ROBO1: variants seen among roughly 807,000 people sequenced by gnomAD.
ROBO1 encodes the protein roundabout guidance receptor 1.
Under a neutral mutation model 195.9 loss-of-function variants are expected in ROBO1, and 149 were observed. The observed-to-expected ratio is 0.76, with a 90% confidence interval of 0.67 to 0.87. The LOEUF (loss-of-function observed/expected upper bound fraction) is 0.87. ROBO1 is among the 40% of genes least tolerant of loss of function. ROBO1 has a pLI of 0.00. For missense variants in ROBO1, 1,933 were observed against 2,068.3 expected, an observed-to-expected ratio of 0.93 and a Z score of 1.27; for synonymous variants, 816 against 733.2, an observed-to-expected ratio of 1.11 and a Z score of -1.82.
intron 4 of ROBO1, among the ~76,000 whole-genome samples, chr3:78,933,740 C>A (rs1576423536): frequency 6.6e-6 from 1 of 151,926 alleles, no homozygotes; most frequent in East Asian, 1.9e-4. Flanking sequence ...AATATGGCTT[C>A]TTTACTTAAG....
At chr3:79,077,359 T>C (rs1042631178) in intron 3 of ROBO1, among the ~76,000 whole-genome samples, 5 of 151,904 alleles carry the variant, frequency 3.3e-5, no homozygotes, top group Non-Finnish European at 4.4e-5. Context: ...TATCCTATGA[T>C]GCATATAGTT....
At position 79,161,709 on chromosome 3, in the gene ROBO1, T is replaced by C. The variant is rs545330950; in HGVS notation, c.89-36170A>G. 3.3e-5 allele frequency among the ~76,000 whole-genome samples: 5 copies of C among 152,236 alleles called. No homozygotes were observed. The South Asian group carries it at 1.0e-3, about 32-fold the overall frequency. Reference sequence around the variant, plus strand: ...AAACAAACAAGTACTTTAAAAATCATTTGTGCAGGTGCTTTATTGGCACTG... The same window carrying C: ...AAACAAACAAGTACTTTAAAAATCACTTGTGCAGGTGCTTTATTGGCACTG... On this transcript the variant is annotated intron_variant, in intron 2 of 30. Transcript: ENST00000464233.
At chr3:78,602,107 T>C (rs925269004) in intron 29 of ROBO1, among the ~76,000 whole-genome samples, 3 of 151,948 alleles carry the variant, frequency 2.0e-5, no homozygotes, top group Non-Finnish European at 4.4e-5. Context: ...TATTTGTCAC[T>C]GCCCAAATCG....
At chr3:79,516,188 G>C (rs977291409) in intron 2 of ROBO1, among the ~76,000 whole-genome samples, 1 of 152,008 alleles carries the variant, frequency 6.6e-6, no homozygotes, top group African/African-American at 2.4e-5. Flanking sequence ...TGATAATGTG[G>C]TTTACTGTTA....
chr3:79,397,252 A>T (rs920953360), intron 2 of ROBO1, among the ~76,000 whole-genome samples: 1 of 150,852 alleles, frequency 6.6e-6, no homozygotes, highest in African/African-American at 2.4e-5. Context: ...TATATATTTA[A>T]TAATCATATA....
rs762411663 is a variant in ROBO1 at position 79,558,318 on chromosome 3, T to A, written c.88+31506A>T. Among the ~76,000 whole-genome samples the A allele has an allele frequency of 3.3e-4, 50 of 152,224 alleles. 1 individual carries two copies. Among genetic ancestry groups the A allele is most frequent in the Non-Finnish European group, 1.3e-4 (9 of 68,040 alleles). On this transcript the variant is annotated intron_variant, in intron 2 of 30. Transcript: ENST00000464233. ...TAAAGACGATGAAGGAACACTCTTATGATAATCCACTTACACTTAATGAAC... is the reference window on the plus strand; with the variant it reads ...TAAAGACGATGAAGGAACACTCTTAAGATAATCCACTTACACTTAATGAAC...
rs78252144 is a variant in ROBO1 at position 79,731,368 on chromosome 3, C to T, written c.-51+36384G>A. Among the ~76,000 whole-genome samples, 810 of 152,124 alleles carry T rather than the reference C, an allele frequency of 5.3e-3. 6 individuals carry two copies. The highest frequency in any genetic ancestry group is 0.019 in the African/African-American group (774 of 41,492). On this transcript the variant is annotated intron_variant, in intron 1 of 30. Transcript: ENST00000464233. ...CATCTGTAAAGCATGTAAAGTATGT[C>T]CCTGAGCTCCTTGGATCTATGTATG... is the stretch of plus-strand genomic sequence containing the variant.
intron 2 of ROBO1, among the ~76,000 whole-genome samples, chr3:79,171,946 A>G (rs1056938061): frequency 1.3e-5 from 2 of 152,100 alleles, no homozygotes; most frequent in African/African-American, 4.8e-5. Context: ...TTATCAAAAC[A>G]TTTACAACCA....
At chr3:78,991,674 A>C (rs975077788) in intron 3 of ROBO1, among the ~76,000 whole-genome samples, 39 of 152,350 alleles carry the variant, frequency 2.6e-4, no homozygotes, top group African/African-American at 9.1e-4. Context: ...CATTTTCTTA[A>C]ACAGAATTCT....
intron 3 of ROBO1, among the ~76,000 whole-genome samples, chr3:79,066,835 C>A (rs2108422419): frequency 6.6e-6 from 1 of 151,992 alleles, no homozygotes; most frequent in Admixed American, 6.6e-5. Context: ...TCATCATTCT[C>A]AGCAGATAAC....
chr3:78,817,526 C>T (rs2030211622), intron 4 of ROBO1, among the ~76,000 whole-genome samples: 1 of 151,772 alleles, frequency 6.6e-6, no homozygotes, highest in Non-Finnish European at 1.5e-5. Flanking sequence ...TGTGAATTCA[C>T]TACATCAAAA....
intron 2 of ROBO1, among the ~76,000 whole-genome samples, chr3:79,264,348 T>C (rs1350080949): frequency 6.6e-6 from 1 of 151,972 alleles, no homozygotes; most frequent in African/African-American, 2.4e-5. Flanking sequence ...TATATATGTA[T>C]GTATCTTTTT....
At chr3:79,028,847 G>A (rs1348310184) in intron 3 of ROBO1, among the ~76,000 whole-genome samples, 1 of 152,004 alleles carries the variant, frequency 6.6e-6, no homozygotes, top group African/African-American at 2.4e-5. Flanking sequence ...AAATGAAAAT[G>A]TTTGTTTTTC....
At chr3:79,303,365 C>T (rs2033066131) in intron 2 of ROBO1, among the ~76,000 whole-genome samples, 1 of 151,950 alleles carries the variant, frequency 6.6e-6, no homozygotes, top group African/African-American at 2.4e-5. Flanking sequence ...GGGGTTTCGC[C>T]ACGTTGGCCA....
chr3:79,755,162 G>A (rs1704320905), intron 1 of ROBO1, among the ~76,000 whole-genome samples: 2 of 152,170 alleles, frequency 1.3e-5, no homozygotes, highest in Non-Finnish European at 2.9e-5. Context: ...TTACAGGTGT[G>A]AGTCATTGTT....
At chr3:79,637,415 C>T (rs956298788) in intron 1 of ROBO1, among the ~76,000 whole-genome samples, 3 of 150,562 alleles carry the variant, frequency 2.0e-5, no homozygotes, top group Admixed American at 6.6e-5. Flanking sequence ...ATGTGACCCT[C>T]CTTCCCAAAC....
chr3:79,752,602 C>A (rs577709342), intron 1 of ROBO1, among the ~76,000 whole-genome samples: 22 of 152,190 alleles, frequency 1.4e-4, no homozygotes, highest in Admixed American at 5.9e-4. Context: ...TGCTTGGACT[C>A]TATTCTGCAG....
At position 78,617,813 on chromosome 3, in the gene ROBO1, C is replaced by G. The variant is rs1452850665; in HGVS notation, c.4104G>C (p.Gly1368=). Residue 1368 remains glycine (G), a synonymous_variant, in exon 27 of 31, where the codon GGG becomes GGC. Transcript: ENST00000464233. ...CTGAGCCCCAGCCGTTGATCATGGA[C>G]CCCGTGACAGAGCTCTCCAGGTCCC... is the stretch of plus-strand genomic sequence containing the variant. ...SVGDLESSVT[G]SMINGWGSAS... 7 of 1,613,778 alleles carry G rather than the reference C, an allele frequency of 4.3e-6. No homozygotes were observed. The highest frequency in any genetic ancestry group is 1.7e-5 in the Admixed American group (1 of 60,006).
intron 2 of ROBO1, among the ~76,000 whole-genome samples, chr3:79,362,643 C>G (rs2035814834): frequency 6.6e-6 from 1 of 152,096 alleles, no homozygotes; most frequent in Non-Finnish European, 1.5e-5. Flanking sequence ...CAGAATTCAT[C>G]TTTTTTGGTT....
Sources: allele counts gnomAD v4.1 joint callset (sites outside exome capture counted in the v4.1 genomes callset), GRCh38; gene constraint gnomAD v4.1.1; transcripts MANE v1.5; gene names NCBI Gene and HGNC (gene_info 2026-07-23, HGNC 2026-07-21).